Variants in VDAC2 observed in about 807,000 individuals in gnomAD.
VDAC2 encodes voltage dependent anion channel 2.
A neutral mutation model predicts 36.6 loss-of-function variants in VDAC2; 6 were observed. That is an observed-to-expected ratio of 0.16 (90% CI 0.09 to 0.32). The LOEUF (loss-of-function observed/expected upper bound fraction) is 0.32, where lower values mean the gene tolerates loss of function less well. Among genes scored for constraint, VDAC2 ranks in the 10% least tolerant of loss-of-function variants. The probability of loss-of-function intolerance (pLI) is 1.00; values close to 1 mark genes in which losing one functional copy is unlikely to be tolerated. For missense variants in VDAC2, 247 were observed against 346.0 expected (o/e 0.71, Z 2.27); for synonymous variants, 109 against 123.8 (o/e 0.88, Z 0.79).
intron 2 of VDAC2, chr10:75,211,644 C>G: frequency 1.9e-6 from 3 of 1,550,544 alleles, no homozygotes; most frequent in Non-Finnish European, 2.6e-6. Flanking sequence ...TGGCCGAGGA[C>G]TTGAGAGTCA....
upstream of VDAC2, chr10:75,210,776 G>T: frequency 5.5e-6 from 1 of 181,604 alleles, no homozygotes; most frequent in Non-Finnish European, 1.1e-5. Context: ...CCCGGGGGCA[G>T]CGGCGGGGTC....
intron 7 of VDAC2, 100 bp from the exon 8 acceptor site, chr10:75,222,152 G>A (rs1330955163): frequency 2.3e-6 from 3 of 1,291,036 alleles, no homozygotes. Context: ...ACCCACTTGA[G>A]CTGTGGTTTT....
At chr10:75,223,370 C>T (rs1205426090) in intron 8 of VDAC2, among the ~76,000 whole-genome samples, 2 of 152,172 alleles carry the variant, frequency 1.3e-5, no homozygotes, top group African/African-American at 4.8e-5. Context: ...TCTTGGATGT[C>T]TGTGGCATTT....
At chr10:75,219,415 AG>A in intron 6 of VDAC2, 59 bp downstream of exon 6, 1 of 1,400,334 alleles carries the variant, frequency 7.1e-7, no homozygotes, top group Admixed American at 2.0e-5. Context: ...TTGTATATTT[AG>A]AAAAGGTGTA....
intron 2 of VDAC2, chr10:75,211,448 A>G: frequency 6.7e-7 from 1 of 1,491,660 alleles, no homozygotes; most frequent in Non-Finnish European, 8.9e-7. Context: ...GTATAGAAGT[A>G]AAAAGTTGTT....
intron 8 of VDAC2, among the ~76,000 whole-genome samples, chr10:75,224,376 G>A (rs755532113): frequency 6.6e-6 from 1 of 152,156 alleles, no homozygotes; most frequent in Non-Finnish European, 1.5e-5. Context: ...TTGATGTCAG[G>A]ATTGGGATTT....
intron 4 of VDAC2, among the ~76,000 whole-genome samples, chr10:75,216,981 A>G (rs1308141762): frequency 6.6e-6 from 1 of 152,194 alleles, no homozygotes; most frequent in East Asian, 1.9e-4. Context: ...GAGGCTGGTC[A>G]CAGTGGCTCA....
intron 1 of VDAC2, 74 bp from the exon 2 acceptor site, chr10:75,211,060 C>CTCGCCCCTCTCTGCCCGGGA: frequency 7.1e-7 from 1 of 1,410,276 alleles, no homozygotes; most frequent in Non-Finnish European, 9.5e-7. Context: ...CCCGCGGCCC[C>CTCGCCCCTCTCTGCCCGGGA]TCGCCCCTCT....
intron 9 of VDAC2, among the ~76,000 whole-genome samples, chr10:75,230,150 A>T (rs531672394): frequency 6.6e-6 from 1 of 152,142 alleles, no homozygotes; most frequent in East Asian, 1.9e-4. Context: ...CGCTTCTCCA[A>T]CTTCAGAGTG....
chr10:75,215,258 T>C (rs1411277527), intron 4 of VDAC2, among the ~76,000 whole-genome samples: 1 of 151,894 alleles, frequency 6.6e-6, no homozygotes, highest in Non-Finnish European at 1.5e-5. Flanking sequence ...AAAAAATTTT[T>C]GTTTTGAGAT....
chr10:75,212,151 G>C, intron 2 of VDAC2, 79 bp from the exon 3 acceptor site: 1 of 1,241,230 alleles, frequency 8.1e-7, no homozygotes, highest in South Asian at 1.3e-5. Flanking sequence ...TTTAATATCA[G>C]CAGTGGGTCA....
chr10:75,212,137 G>A (rs1201488783), intron 2 of VDAC2, 93 bp from the exon 3 acceptor site: 12 of 1,141,750 alleles, frequency 1.1e-5, no homozygotes, highest in Non-Finnish European at 1.4e-5. Context: ...GGGATTGCTT[G>A]AATTTTAATA....
At chr10:75,210,623 A>C (rs1841373147), upstream of VDAC2, 1 of 152,318 alleles carries the variant, frequency 6.6e-6, no homozygotes, top group Non-Finnish European at 1.5e-5. Context: ...TCCAAGGCCC[A>C]GCAGCTTCTG....
Position 75,231,429 on chromosome 10 carries a change from A to T in VDAC2, c.*440A>T, listed in dbSNP as rs1471126236. On this transcript the variant is annotated 3_prime_UTR_variant, in exon 10 of 10. Transcript: ENST00000332211. Reference sequence around the variant, plus strand: ...GTATCCCAGAACATGACAAATTATGAATAAAACAAGTATACATAATTAATG... The same window carrying T: ...GTATCCCAGAACATGACAAATTATGTATAAAACAAGTATACATAATTAATG... 1.3e-5 allele frequency: 2 copies of T among 153,868 alleles called. No individual in the cohort carries two copies. Among genetic ancestry groups the T allele is most frequent in the African/African-American group, 4.8e-5 (2 of 41,484 alleles). 9.5% of individuals were successfully genotyped at this position (153,868 alleles called of 1,614,324 possible).
intron 8 of VDAC2, among the ~76,000 whole-genome samples, chr10:75,224,790 CCTGTATTTG>C (rs1841908595): frequency 6.6e-6 from 1 of 152,104 alleles, no homozygotes; most frequent in Non-Finnish European, 1.5e-5. Context: ...ACCCCTAAGA[CCTGTATTTG>C]CTGTATTTTG....
At position 75,219,343 on chromosome 10, in the gene VDAC2, T is replaced by C; in HGVS notation, c.343T>C (p.Ser115Pro). The part of the protein sequence containing the change: ...GLKLTFDTTF[S>P]PNTGKKSGKI... ...GAAACTGACATTTGATACTACCTTC[T>C]CACCAAACACAGGGTAAGCACAGAC... Residue 115 changes from serine to proline, a missense_variant, in exon 6 of 10, where the codon TCA (serine) becomes CCA (proline). Physicochemically the swap from Ser to Pro is moderately conservative, Grantham distance 74. Coordinates refer to ENST00000332211, the MANE Select transcript of VDAC2 (RefSeq NM_001391963.1). 1 of 1,600,068 alleles carries C rather than the reference T, an allele frequency of 6.2e-7. No homozygotes were observed. The highest frequency in any genetic ancestry group is 1.1e-5 in the South Asian group (1 of 87,586).
intron 6 of VDAC2, 88 bp downstream of exon 6, chr10:75,219,444 C>T (rs1841732490): frequency 9.1e-7 from 1 of 1,098,256 alleles, no homozygotes; most frequent in African/African-American, 1.6e-5. Flanking sequence ...TGTTTGATAG[C>T]TTATTAAGCT....
intron 4 of VDAC2, among the ~76,000 whole-genome samples, chr10:75,217,062 C>G (rs146198712): frequency 6.6e-6 from 1 of 151,720 alleles, no homozygotes; most frequent in East Asian, 1.9e-4. Flanking sequence ...CTGAGACTCA[C>G]CTGGGCAACA....
At chr10:75,223,549 G>A (rs2132273942) in intron 8 of VDAC2, among the ~76,000 whole-genome samples, 1 of 152,252 alleles carries the variant, frequency 6.6e-6, no homozygotes, top group South Asian at 2.1e-4. Context: ...CTCCAATTCA[G>A]CAGTACCCAG....
Sources: allele counts gnomAD v4.1 joint callset (sites outside exome capture counted in the v4.1 genomes callset), GRCh38; gene constraint gnomAD v4.1.1; transcripts MANE v1.5; gene names NCBI Gene and HGNC (gene_info 2026-07-23, HGNC 2026-07-21).